Variants in ITPR1 observed in about 807,000 individuals in gnomAD.
The protein encoded by ITPR1 is inositol 1,4,5-trisphosphate receptor type 1.
ITPR1 carries 96 observed loss-of-function variants against 318.4 expected under a neutral mutation model. The observed-to-expected ratio is 0.30, with a 90% CI of 0.26 to 0.36. ITPR1 has a LOEUF of 0.36. Among genes scored for constraint, ITPR1 ranks in the 10% least tolerant of loss-of-function variants. ITPR1 has a pLI of 1.00. For synonymous variants in ITPR1, 1,312 were observed against 1,289.9 expected (o/e 1.02, Z -0.37); for missense variants, 2,440 against 3,460.2 (o/e 0.71, Z 7.40).
intron 30 of ITPR1, 134 bp downstream of exon 30, chr3:4,685,340 C>A: frequency 2.3e-6 from 2 of 866,020 alleles, no homozygotes; most frequent in Non-Finnish European, 1.7e-6. Context: ...AAAGCAATTT[C>A]AGGTATTGAT....
chr3:4,689,720 AGCCTT>A (rs1348444232), intron 31 of ITPR1, among the ~76,000 whole-genome samples: 1 of 152,188 alleles, frequency 6.6e-6, no homozygotes, highest in Non-Finnish European at 1.5e-5. Flanking sequence ...GTGAAAAATA[AGCCTT>A]CTAGAAGGTA....
chr3:4,567,682 G>A (rs1219735224), intron 4 of ITPR1, among the ~76,000 whole-genome samples: 1 of 152,010 alleles, frequency 6.6e-6, no homozygotes, highest in Non-Finnish European at 1.5e-5. Flanking sequence ...TTGGCTCACT[G>A]CAACCTCCTC....
intron 51 of ITPR1, among the ~76,000 whole-genome samples, chr3:4,785,794 G>A (rs1575240405): frequency 6.6e-6 from 1 of 152,208 alleles, no homozygotes; most frequent in Non-Finnish European, 1.5e-5. Flanking sequence ...GATGTTAGAA[G>A]GACTGAAATA....
intron 4 of ITPR1, among the ~76,000 whole-genome samples, chr3:4,595,508 C>A (rs1229161679): frequency 6.6e-6 from 1 of 152,204 alleles, no homozygotes; most frequent in Non-Finnish European, 1.5e-5. Context: ...AATTACAATT[C>A]CACATGAGAT....
In ITPR1 at chr3:4,652,937, G is replaced by A. The variant is rs192233574; in HGVS notation, c.951+719G>A. On this transcript the variant is annotated intron_variant, in intron 11 of 61. Coordinates refer to ENST00000649015, the MANE Select transcript of ITPR1 (RefSeq NM_001378452.1). Reference sequence around the variant, plus strand: ...CGGGAGGCAGAGGTTGCAGTGACCCGAGATCGCACCACTGCAGTCCAGCTT... The same window carrying A: ...CGGGAGGCAGAGGTTGCAGTGACCCAAGATCGCACCACTGCAGTCCAGCTT... Among the ~76,000 whole-genome samples the A allele has an allele frequency of 5.3e-3, 800 of 152,232 alleles. 4 individuals are homozygous for A. Among genetic ancestry groups the A allele is most frequent in the Non-Finnish European group, 8.6e-3 (584 of 68,018 alleles).
intron 4 of ITPR1, among the ~76,000 whole-genome samples, chr3:4,553,678 G>A (rs2085819637): frequency 6.8e-6 from 1 of 147,662 alleles, no homozygotes; most frequent in Non-Finnish European, 1.5e-5. Context: ...TCAGCTCACT[G>A]CAACTTCTGC....
At chr3:4,746,615 C>T (rs574799412) in intron 44 of ITPR1, among the ~76,000 whole-genome samples, 4 of 152,326 alleles carry the variant, frequency 2.6e-5, no homozygotes, top group East Asian at 1.9e-4. Context: ...CTGTAAGACC[C>T]GAGGGGGCAG....
intron 4 of ITPR1, among the ~76,000 whole-genome samples, chr3:4,553,120 T>C (rs527598552): frequency 6.6e-6 from 1 of 152,142 alleles, no homozygotes; most frequent in African/African-American, 2.4e-5. Flanking sequence ...TAAAGTGCCA[T>C]GGGACCACAG....
At chr3:4,520,916 G>C in intron 3 of ITPR1, 108 bp from the exon 4 acceptor site, 1 of 790,418 alleles carries the variant, frequency 1.3e-6, no homozygotes, top group South Asian at 1.5e-5. Context: ...GGAGAATATG[G>C]CAATCTAAAT....
chr3:4,713,326 A>G (rs1206600527), intron 39 of ITPR1, among the ~76,000 whole-genome samples: 2 of 152,150 alleles, frequency 1.3e-5, no homozygotes, highest in South Asian at 2.1e-4. Context: ...GGAGACCACA[A>G]TTTTCTCTTA....
chr3:4,520,229 G>A (rs1027658938), intron 3 of ITPR1, among the ~76,000 whole-genome samples: 9 of 152,174 alleles, frequency 5.9e-5, no homozygotes, highest in Non-Finnish European at 1.2e-4. Context: ...CAGAGTCTCA[G>A]TTCCCTCATC....
At chr3:4,676,220 C>G in intron 23 of ITPR1, among the ~76,000 whole-genome samples, 1 of 151,700 alleles carries the variant, frequency 6.6e-6, no homozygotes, top group South Asian at 2.1e-4. Flanking sequence ...TGATGCATGC[C>G]TATAGTCCTA....
At chr3:4,568,242 C>G (rs2087585339) in intron 4 of ITPR1, among the ~76,000 whole-genome samples, 1 of 152,194 alleles carries the variant, frequency 6.6e-6, no homozygotes, top group African/African-American at 2.4e-5. Context: ...TTGATGGGAA[C>G]TGAGACAAAG....
intron 7 of ITPR1, 107 bp downstream of exon 7, chr3:4,642,358 C>A: frequency 1.2e-6 from 1 of 835,094 alleles, no homozygotes; most frequent in Non-Finnish European, 1.7e-6. Context: ...AGAGGCTTGT[C>A]CTGTGTAAAG....
intron 30 of ITPR1, 44 bp downstream of exon 30, chr3:4,685,250 G>C (rs183386810): frequency 6.5e-7 from 1 of 1,537,142 alleles, no homozygotes; most frequent in Non-Finnish European, 8.7e-7. Context: ...AGGATGGGGC[G>C]GATCCCTGGG....
intron 4 of ITPR1, among the ~76,000 whole-genome samples, chr3:4,590,471 T>G (rs560924370): frequency 5.4e-4 from 82 of 151,304 alleles, no homozygotes; most frequent in Non-Finnish European, 9.0e-4. Context: ...GCAAGAATGC[T>G]TCATCCCTGG....
chr3:4,495,883 T>TA (rs1488285797), intron 2 of ITPR1, among the ~76,000 whole-genome samples: 1 of 152,192 alleles, frequency 6.6e-6, no homozygotes, highest in Non-Finnish European at 1.5e-5. Flanking sequence ...ATGGTAAACT[T>TA]ACTGCTACTG....
chr3:4,612,726 A>G (rs1320139913), intron 4 of ITPR1, among the ~76,000 whole-genome samples: 1 of 152,064 alleles, frequency 6.6e-6, no homozygotes, highest in Non-Finnish European at 1.5e-5. Flanking sequence ...GTCTCTACTA[A>G]AAATACAAAA....
chr3:4,722,902 A>T (rs1237815294), intron 40 of ITPR1, among the ~76,000 whole-genome samples: 1 of 152,230 alleles, frequency 6.6e-6, no homozygotes, highest in African/African-American at 2.4e-5. Flanking sequence ...TAATCCCAGC[A>T]CTTTGGGAGC....
Sources: allele counts gnomAD v4.1 joint callset (sites outside exome capture counted in the v4.1 genomes callset), GRCh38; gene constraint gnomAD v4.1.1; transcripts MANE v1.5; gene names NCBI Gene and HGNC (gene_info 2026-07-23, HGNC 2026-07-21).